The following GPA33 variants were observed in gnomAD, a reference collection of about 807,000 sequenced individuals.
GPA33 encodes glycoprotein A33.
A neutral mutation model predicts 35.6 loss-of-function variants in GPA33; 27 were observed. The observed-to-expected ratio is 0.76, with a 90% CI of 0.56 to 1.04. GPA33 has a LOEUF of 1.04. Ranked by LOEUF, GPA33 falls within the 50% of genes least tolerant of loss-of-function variation. The pLI is 0.00. For missense variants in GPA33, 428 were observed against 411.9 expected, an observed-to-expected ratio of 1.04 and a Z score of -0.34; for synonymous variants, 176 against 164.0, an observed-to-expected ratio of 1.07 and a Z score of -0.56.
intron 2 of GPA33, among the ~76,000 whole-genome samples, chr1:167,069,945 A>C (rs935119068): frequency 6.6e-6 from 1 of 152,244 alleles, no homozygotes; most frequent in African/African-American, 2.4e-5. Flanking sequence ...CGAATTCTGC[A>C]CCCAAAGAGT....
At chr1:167,089,011 G>A (rs139299971) in intron 1 of GPA33, among the ~76,000 whole-genome samples, 49 of 152,342 alleles carry the variant, frequency 3.2e-4, no homozygotes, top group African/African-American at 1.1e-3. Flanking sequence ...TCAGTAAAGA[G>A]TTGTTTGGAT....
chr1:167,074,320 C>T lies in GPA33; in HGVS notation c.44-781G>A, dbSNP rs560649660. The stretch of plus-strand genomic sequence containing the variant: ...GCCATTCTCTTCACCTGGTCCCTTG[C>T]GATGCTCACCCTGGAAAACCATCAA... On this transcript the variant is annotated intron_variant, in intron 1 of 6. Coordinates refer to ENST00000367868, the MANE Select transcript of GPA33 (RefSeq NM_005814.3). 1.4e-4 allele frequency among the ~76,000 whole-genome samples: 21 copies of T among 151,910 alleles called. No individual in the cohort carries two copies. The South Asian group carries it at 2.9e-3, about 21-fold the overall frequency.
At chr1:167,082,171 C>T (rs1014397158) in intron 1 of GPA33, 3 of 443,876 alleles carry the variant, frequency 6.8e-6, no homozygotes, top group East Asian at 7.0e-5. Context: ...CAGTCCTACA[C>T]AATCACAGAC....
chr1:167,086,129 A>T (rs1667042531), intron 1 of GPA33, among the ~76,000 whole-genome samples: 1 of 152,202 alleles, frequency 6.6e-6, no homozygotes, highest in South Asian at 2.1e-4. Context: ...TTTAATCCTG[A>T]TTGCGTCTCT....
chr1:167,055,801 C>G lies in GPA33; in HGVS notation c.620G>C (p.Gly207Ala). Residue 207 changes from glycine (G) to alanine (A), a missense_variant, in exon 5 of 7, where the codon GGT becomes GCT. Transcript: ENST00000367868. ...ATTGCTGGAGGTACAGATGTAGTAA[C>G]CCGATGTGTCTGTGGAGATATTCTT... ...SLKNISTDTS[G>A]YYICTSSNEE... 5 of 1,613,724 alleles carry G rather than the reference C, an allele frequency of 3.1e-6. No homozygotes were observed. The highest frequency in any genetic ancestry group is 2.5e-6 in the Non-Finnish European group (3 of 1,179,728).
Position 167,053,952 on chromosome 1 carries a change from G to A in GPA33, c.*382C>T. 4.2e-6 allele frequency: 1 copy of A among 235,426 alleles called. No individual in the cohort carries two copies. The highest frequency in any genetic ancestry group is 7.1e-5 in the South Asian group (1 of 14,144). 14.6% of individuals were successfully genotyped at this position (235,426 alleles called of 1,614,324 possible). On this transcript the variant is annotated 3_prime_UTR_variant, in exon 7 of 7. Coordinates refer to ENST00000367868, the MANE Select transcript of GPA33 (RefSeq NM_005814.3). The stretch of plus-strand genomic sequence containing the variant: ...GCTGGGCACACAGGTGAGCAGGACA[G>A]CCCCCACCCCCCAAGGCTGGCATCG...
At chr1:167,085,177 G>A (rs975060046) in intron 1 of GPA33, among the ~76,000 whole-genome samples, 1 of 152,154 alleles carries the variant, frequency 6.6e-6, no homozygotes, top group African/African-American at 2.4e-5. Context: ...GATGTAGAGT[G>A]ACAATAGGAG....
chr1:167,074,552 A>G (rs1473920759), intron 1 of GPA33, among the ~76,000 whole-genome samples: 1 of 152,152 alleles, frequency 6.6e-6, no homozygotes, highest in Non-Finnish European at 1.5e-5. Flanking sequence ...GGAGTAAAAT[A>G]AAGATTGTTA....
intron 4 of GPA33, among the ~76,000 whole-genome samples, chr1:167,062,320 A>G (rs535372650): frequency 6.6e-5 from 10 of 152,026 alleles, no homozygotes; most frequent in South Asian, 2.1e-4. Context: ...AGCTTAAGCA[A>G]TCCTCCCACC....
intron 1 of GPA33, among the ~76,000 whole-genome samples, chr1:167,079,192 G>A (rs1666878410): frequency 6.6e-6 from 1 of 152,028 alleles, no homozygotes; most frequent in Non-Finnish European, 1.5e-5. Flanking sequence ...ATAAGAAAGA[G>A]CTCATAAAGA....
At chr1:167,063,788 G>T in intron 3 of GPA33, 51 bp from the exon 4 acceptor site, 1 of 1,510,026 alleles carries the variant, frequency 6.6e-7, no homozygotes, top group South Asian at 1.2e-5. Context: ...GGGGCTTGGT[G>T]ACAGCCACCC....
chr1:167,060,109 G>A (rs1313616882), intron 4 of GPA33, among the ~76,000 whole-genome samples: 1 of 152,112 alleles, frequency 6.6e-6, no homozygotes, highest in Non-Finnish European at 1.5e-5. Context: ...GATAAGATCT[G>A]GCTCTAGTGC....
chr1:167,072,392 G>T (rs1042052586), intron 2 of GPA33, among the ~76,000 whole-genome samples: 3 of 152,202 alleles, frequency 2.0e-5, no homozygotes, highest in Non-Finnish European at 2.9e-5. Flanking sequence ...ATAGCGAACA[G>T]TTTGAGAATG....
At chr1:167,086,310 G>T (rs928980337) in intron 1 of GPA33, among the ~76,000 whole-genome samples, 2 of 152,208 alleles carry the variant, frequency 1.3e-5, no homozygotes, top group African/African-American at 4.8e-5. Context: ...ATGGTGGGCG[G>T]GCCGCTTATC....
chr1:167,083,723 T>C (rs1666998810), intron 1 of GPA33, among the ~76,000 whole-genome samples: 1 of 151,914 alleles, frequency 6.6e-6, no homozygotes, highest in South Asian at 2.1e-4. Flanking sequence ...GGAGTGAACC[T>C]TGAGAAAATA....
At chr1:167,060,550 C>A (rs1038638356) in intron 4 of GPA33, among the ~76,000 whole-genome samples, 10 of 152,232 alleles carry the variant, frequency 6.6e-5, no homozygotes, top group African/African-American at 2.4e-4. Context: ...TAACTAGAGA[C>A]AGGATAAAGC....
chr1:167,079,451 C>A lies in GPA33; in HGVS notation c.44-5912G>T, dbSNP rs1466847587. ...AGGTTGCAGTGAGCCGAGATCACAC[C>A]ACAGCCTGGGCGACAGAGCGAGACT... is the stretch of plus-strand genomic sequence containing the variant. On this transcript the variant is annotated intron_variant, in intron 1 of 6. Transcript: ENST00000367868. Among the ~76,000 whole-genome samples, 4 of 148,074 alleles carry A rather than the reference C, an allele frequency of 2.7e-5. No homozygotes were observed. In the Admixed American group the frequency reaches 2.7e-4, roughly 10 times the overall value.
At chr1:167,081,086 G>A (rs2102200499) in intron 1 of GPA33, among the ~76,000 whole-genome samples, 2 of 152,354 alleles carry the variant, frequency 1.3e-5, no homozygotes, top group Middle Eastern at 3.4e-3. Context: ...GAGCCAGCCT[G>A]AGGTCTCGAT....
intron 4 of GPA33, among the ~76,000 whole-genome samples, chr1:167,061,681 C>T (rs778599971): frequency 3.4e-4 from 49 of 143,468 alleles, no homozygotes; most frequent in Non-Finnish European, 5.1e-4. Flanking sequence ...CGGCTCACTG[C>T]AAGCTCCGCC....
Sources: allele counts gnomAD v4.1 joint callset (sites outside exome capture counted in the v4.1 genomes callset), GRCh38; gene constraint gnomAD v4.1.1; transcripts MANE v1.5; gene names NCBI Gene and HGNC (gene_info 2026-07-23, HGNC 2026-07-21).